Variants in LIN28B observed in about 807,000 individuals in gnomAD.
The protein encoded by LIN28B is protein lin-28 homolog B.
A neutral mutation model predicts 21.9 loss-of-function variants in LIN28B; 5 were observed. That is an observed-to-expected ratio of 0.23 (90% CI 0.12 to 0.48). The LOEUF is 0.48. Among genes scored for constraint, LIN28B ranks in the 20% least tolerant of loss-of-function variants. LIN28B has a pLI of 0.98. For missense variants in LIN28B, 245 were observed against 310.5 expected (o/e 0.79, Z 1.58); for synonymous variants, 109 against 111.3 (o/e 0.98, Z 0.13).
rs189545510 is a variant in LIN28B at position 105,009,895 on chromosome 6, A to G, written c.199-16403A>G. 2.3e-3 allele frequency among the ~76,000 whole-genome samples: 344 copies of G among 152,242 alleles called. 1 individual carries two copies. The highest frequency in any genetic ancestry group is 4.4e-4 in the Non-Finnish European group (30 of 68,018). ...AAAATAATTCCGCAGATTCACTTCA[A>G]AGTTCTTATACTCATTTATTCTGTT... On this transcript the variant is annotated intron_variant, in intron 2 of 3. Coordinates refer to ENST00000345080, the MANE Select transcript of LIN28B (RefSeq NM_001004317.4).
At chr6:105,062,787 A>C (rs528711195) in intron 3 of LIN28B, among the ~76,000 whole-genome samples, 1 of 152,174 alleles carries the variant, frequency 6.6e-6, no homozygotes, top group East Asian at 1.9e-4. Flanking sequence ...AGGGCTCGTA[A>C]TTTTGTTAGA....
At chr6:104,990,264 A>C (rs1770433579) in intron 2 of LIN28B, among the ~76,000 whole-genome samples, 1 of 151,448 alleles carries the variant, frequency 6.6e-6, no homozygotes, top group African/African-American at 2.4e-5. Flanking sequence ...GCATTTGAAA[A>C]GAATGTATAT....
chr6:104,947,928 G>A (rs919747109), intron 2 of LIN28B, among the ~76,000 whole-genome samples: 2 of 152,014 alleles, frequency 1.3e-5, no homozygotes, highest in Non-Finnish European at 2.9e-5. Context: ...AGAGCATAGA[G>A]TTCAGTTGGG....
intron 3 of LIN28B, chr6:104,950,594 C>A: frequency 2.7e-6 from 2 of 743,732 alleles, no homozygotes; most frequent in Non-Finnish European, 3.7e-6. Flanking sequence ...GAGAACCTGA[C>A]AGCCCTCAGG....
intron 2 of LIN28B, among the ~76,000 whole-genome samples, chr6:104,976,803 G>A (rs1477188937): frequency 1.1e-4 from 16 of 152,200 alleles, no homozygotes; most frequent in Admixed American, 9.2e-4. Flanking sequence ...TGGGTGAAGG[G>A]CAAAAGGGAA....
intron 2 of LIN28B, among the ~76,000 whole-genome samples, chr6:105,008,210 G>A (rs1299430176): frequency 1.3e-5 from 2 of 152,134 alleles, no homozygotes; most frequent in African/African-American, 2.4e-5. Context: ...GTTGTTAAAT[G>A]TACACTAAAA....
chr6:104,949,126 G>A (rs1380535128), intron 2 of LIN28B, among the ~76,000 whole-genome samples: 2 of 151,940 alleles, frequency 1.3e-5, no homozygotes, highest in Non-Finnish European at 2.9e-5. Flanking sequence ...TAAGCAGATA[G>A]GATTAAGAAT....
chr6:105,047,405 G>C (rs1771792379), intron 3 of LIN28B, among the ~76,000 whole-genome samples: 1 of 152,158 alleles, frequency 6.6e-6, no homozygotes, highest in African/African-American at 2.4e-5. Context: ...GTAGCATGCT[G>C]TTTTGATTAC....
intron 2 of LIN28B, among the ~76,000 whole-genome samples, chr6:104,966,285 T>C (rs954646615): frequency 4.6e-5 from 7 of 152,188 alleles, no homozygotes; most frequent in Non-Finnish European, 8.8e-5. Context: ...AGTGTTCTTA[T>C]GGGTAAAATG....
chr6:105,025,781 A>G (rs1165271687), intron 2 of LIN28B, among the ~76,000 whole-genome samples: 2 of 152,034 alleles, frequency 1.3e-5, no homozygotes, highest in Non-Finnish European at 2.9e-5. Flanking sequence ...CATAGATAGC[A>G]TTATGGTAGA....
At chr6:105,048,163 A>G (rs968929448) in intron 3 of LIN28B, among the ~76,000 whole-genome samples, 14 of 152,294 alleles carry the variant, frequency 9.2e-5, no homozygotes, top group South Asian at 4.1e-4. Context: ...GTTTGTCATA[A>G]ATAGCTCTTA....
chr6:104,958,024 AAT>A, intron 1 of LIN28B, 73 bp from the exon 2 acceptor site: 1 of 1,027,178 alleles, frequency 9.7e-7, no homozygotes, highest in Non-Finnish European at 1.3e-6. Flanking sequence ...CCAGGCAGGC[AAT>A]TTTTTTTTTT....
chr6:105,019,277 T>A (rs957781156), intron 2 of LIN28B, among the ~76,000 whole-genome samples: 1 of 152,144 alleles, frequency 6.6e-6, no homozygotes, highest in African/African-American at 2.4e-5. Context: ...GTATGTTTTA[T>A]GATTCTTGGT....
At chr6:105,074,506 T>G (rs1772388925) in intron 3 of LIN28B, among the ~76,000 whole-genome samples, 2 of 152,112 alleles carry the variant, frequency 1.3e-5, no homozygotes, top group African/African-American at 4.8e-5. Flanking sequence ...CCTTAAAATC[T>G]GAAATTATAA....
chr6:105,082,098 A>G lies in LIN28B; in HGVS notation c.*3315A>G, dbSNP rs950388423. 5.2e-5 allele frequency: 8 copies of G among 152,652 alleles called. No individual in the cohort carries two copies. The highest frequency in any genetic ancestry group is 1.0e-4 in the Non-Finnish European group (7 of 68,048). The allele number at this position is 152,652 out of a possible 1,614,324, so 9.5% of individuals were successfully genotyped here. A position where few individuals can be genotyped will look rare whatever the true frequency, so the allele number is the denominator to read the frequency against. ...GCCCTGTAAGCTGATCTTTTGCTAC[A>G]TGGCAGACTATAATGAAAACATTTT... On this transcript the variant is annotated 3_prime_UTR_variant, in exon 4 of 4. Transcript: ENST00000345080.
upstream of LIN28B, among the ~76,000 whole-genome samples, chr6:104,954,301 G>C (rs1398981498): frequency 2.6e-5 from 4 of 152,148 alleles, no homozygotes; most frequent in Non-Finnish European, 5.9e-5. Context: ...ACGACTTTCT[G>C]TGAAAGAAGC....
chr6:105,004,349 A>G (rs1770775561), intron 2 of LIN28B, among the ~76,000 whole-genome samples: 1 of 152,174 alleles, frequency 6.6e-6, no homozygotes, highest in African/African-American at 2.4e-5. Context: ...AAGAAGGAAA[A>G]AGGAAAAGCA....
intron 2 of LIN28B, among the ~76,000 whole-genome samples, chr6:105,015,026 C>T (rs900134455): frequency 6.6e-6 from 1 of 151,912 alleles, no homozygotes; most frequent in African/African-American, 2.4e-5. Flanking sequence ...AAATGAATCT[C>T]AAATAGGTTA....
At chr6:104,955,632 A>C (rs955133836), upstream of LIN28B, among the ~76,000 whole-genome samples, 40 of 150,562 alleles carry the variant, frequency 2.7e-4, no homozygotes, top group Non-Finnish European at 3.2e-4. Context: ...TGTGTGAAAC[A>C]GTGCTGGAGT....
Sources: gnomAD v4.1 joint callset for allele counts (sites outside exome capture counted in the v4.1 genomes callset) on GRCh38, gnomAD v4.1.1 for gene constraint, MANE v1.5 for transcripts, NCBI Gene and HGNC (gene_info 2026-07-23, HGNC 2026-07-21) for gene names.